MSH4: variants seen among roughly 807,000 people sequenced by gnomAD.
The protein encoded by MSH4 is mutS protein homolog 4.
MSH4 carries 106 observed loss-of-function variants against 113.7 expected under a neutral mutation model. The observed-to-expected ratio is 0.93, with a 90% CI of 0.80 to 1.10. MSH4 has a LOEUF of 1.10. Ranked by LOEUF, MSH4 falls within the 50% of genes least tolerant of loss-of-function variation. The pLI is 0.00. For missense variants in MSH4, 1,061 were observed against 1,093.7 expected (o/e 0.97, Z 0.42); for synonymous variants, 368 against 380.2 (o/e 0.97, Z 0.37).
chr1:75,799,335 G>A (rs1454922684), intron 1 of MSH4, among the ~76,000 whole-genome samples: 3 of 152,068 alleles, frequency 2.0e-5, no homozygotes, highest in African/African-American at 7.2e-5. Context: ...GCGAACAAAG[G>A]TTCAAATTAT....
intron 19 of MSH4, among the ~76,000 whole-genome samples, chr1:75,906,978 C>T (rs542677597): frequency 1.4e-4 from 21 of 151,924 alleles, no homozygotes; most frequent in South Asian, 4.2e-4. Flanking sequence ...GGACTACAGG[C>T]GCCCACCACC....
Position 75,840,845 on chromosome 1 carries a change from A to C in MSH4, c.1163-7364A>C, listed in dbSNP as rs1450257642. ...TCCATGTTCGGGCAACAGAACTCTA[A>C]TTAAATAATTTTGATGCAATGTGAT... On this transcript the variant is annotated intron_variant, in intron 7 of 19. Transcript: ENST00000263187. Among the ~76,000 whole-genome samples, 3 of 152,252 alleles carry C rather than the reference A, an allele frequency of 2.0e-5. No homozygotes were observed. The East Asian group carries it at 5.8e-4, about 29-fold the overall frequency.
chr1:75,842,228 T>G (rs1344473844), intron 7 of MSH4, among the ~76,000 whole-genome samples: 1 of 152,180 alleles, frequency 6.6e-6, no homozygotes, highest in Non-Finnish European at 1.5e-5. Context: ...CAGGTTAAGA[T>G]AAAGGATTAT....
chr1:75,812,451 T>C (rs190848207), intron 4 of MSH4, among the ~76,000 whole-genome samples: 4 of 152,244 alleles, frequency 2.6e-5, no homozygotes, highest in Admixed American at 2.0e-4. Flanking sequence ...CCCAGCACTT[T>C]CAGAGGCCGA....
intron 19 of MSH4, among the ~76,000 whole-genome samples, chr1:75,908,235 T>C (rs960323605): frequency 5.4e-5 from 8 of 149,134 alleles, no homozygotes; most frequent in African/African-American, 2.0e-4. Context: ...AACCTCTGCC[T>C]CCTGGGTTCA....
At chr1:75,806,204 G>A (rs920342028) in intron 2 of MSH4, among the ~76,000 whole-genome samples, 2 of 134,168 alleles carry the variant, frequency 1.5e-5, no homozygotes, top group Non-Finnish European at 3.2e-5. Flanking sequence ...TATATTCTGA[G>A]TAATAAATAT....
At chr1:75,902,786 C>A (rs1203659407) in intron 19 of MSH4, among the ~76,000 whole-genome samples, 1 of 122,394 alleles carries the variant, frequency 8.2e-6, no homozygotes, top group Non-Finnish European at 1.7e-5. Flanking sequence ...AATTTACATT[C>A]CCACCACCTG....
chr1:75,798,725 T>A (rs957903716), intron 1 of MSH4, among the ~76,000 whole-genome samples: 13 of 151,658 alleles, frequency 8.6e-5, no homozygotes, highest in Non-Finnish European at 4.4e-5. Flanking sequence ...ATGGCTAATT[T>A]AAAAAATTTT....
At chr1:75,876,332 GTT>G (rs890800475) in intron 9 of MSH4, among the ~76,000 whole-genome samples, 1 of 151,900 alleles carries the variant, frequency 6.6e-6, no homozygotes, top group African/African-American at 2.4e-5. Context: ...GAATTTTTTA[GTT>G]TTTATCTGTC....
chr1:75,833,865 T>C (rs1650766192), intron 7 of MSH4, among the ~76,000 whole-genome samples: 1 of 152,212 alleles, frequency 6.6e-6, no homozygotes. Context: ...ATTCAGGTCA[T>C]AGGCATGGGC....
chr1:75,889,585 G>A (rs1557526668), intron 16 of MSH4, among the ~76,000 whole-genome samples: 5 of 152,112 alleles, frequency 3.3e-5, no homozygotes, highest in Non-Finnish European at 7.4e-5. Context: ...GAAAGAGCTA[G>A]CATTATTAAG....
chr1:75,865,993 T>C (rs1570975951), intron 8 of MSH4, among the ~76,000 whole-genome samples: 1 of 152,280 alleles, frequency 6.6e-6, no homozygotes, highest in Non-Finnish European at 1.5e-5. Flanking sequence ...ATAAATCGAG[T>C]GCCCATATAT....
intron 1 of MSH4, among the ~76,000 whole-genome samples, chr1:75,800,495 G>C (rs1195658368): frequency 6.6e-6 from 1 of 152,112 alleles, no homozygotes; most frequent in Non-Finnish European, 1.5e-5. Context: ...TGGAAGCAAG[G>C]AGAAGAAGAA....
chr1:75,807,849 T>G (rs1192692891), intron 3 of MSH4, among the ~76,000 whole-genome samples: 1 of 152,070 alleles, frequency 6.6e-6, no homozygotes, highest in Non-Finnish European at 1.5e-5. Flanking sequence ...AAATCTGCCC[T>G]TAGTGTTGGT....
intron 2 of MSH4, among the ~76,000 whole-genome samples, 183 bp downstream of exon 2, chr1:75,804,096 ATTGT>A (rs1225683742): frequency 5.3e-5 from 8 of 152,234 alleles, no homozygotes; most frequent in African/African-American, 1.2e-4. Context: ...AGTTTCTGAA[ATTGT>A]TTGTTAATAA....
intron 6 of MSH4, among the ~76,000 whole-genome samples, chr1:75,822,084 A>G (rs1650428240): frequency 1.3e-5 from 2 of 152,140 alleles, no homozygotes; most frequent in Admixed American, 1.3e-4. Flanking sequence ...GATGGAGACC[A>G]TCCTGGCTAA....
chr1:75,803,996 T>C, intron 2 of MSH4, 83 bp downstream of exon 2: 1 of 977,992 alleles, frequency 1.0e-6, no homozygotes. Flanking sequence ...ATTAAGTTCA[T>C]TTGAATTTAT....
rs1465302210 is a variant in MSH4, at chr1:75,912,736, C to A, written c.2660C>A (p.Ala887Asp). 4 of 1,577,516 alleles carry A rather than the reference C, an allele frequency of 2.5e-6. No homozygotes were observed. The highest frequency in any genetic ancestry group is 3.4e-6 in the Non-Finnish European group (4 of 1,164,824). Residue 887 changes from alanine (A) to aspartate (D), a missense_variant, in exon 20 of 20, where the codon GCT becomes GAT. Transcript: ENST00000263187. ...ACCCCTGAGATGGAAAGACAGAGAG[C>A]TGTGTACCATCTAGCCACTAGGCTT... is the stretch of plus-strand genomic sequence containing the variant. ...RSTPEMERQR[A>D]VYHLATRLVQ...
At chr1:75,898,853 C>A (rs1570997743) in intron 18 of MSH4, among the ~76,000 whole-genome samples, 1 of 152,110 alleles carries the variant, frequency 6.6e-6, no homozygotes, top group East Asian at 1.9e-4. Flanking sequence ...AATGGGAAAT[C>A]AACTGGATTA....
Sources: allele counts gnomAD v4.1 joint callset (sites outside exome capture counted in the v4.1 genomes callset), GRCh38; gene constraint gnomAD v4.1.1; transcripts MANE v1.5; gene names NCBI Gene and HGNC (gene_info 2026-07-23, HGNC 2026-07-21).